Variants in KCND2 observed in about 807,000 individuals in gnomAD.
KCND2 encodes the protein potassium voltage-gated channel subfamily D member 2, also known as A-type voltage-gated potassium channel KCND2.
In KCND2, 16 loss-of-function variants were observed where a neutral mutation model predicts 54.4. That is an observed-to-expected ratio of 0.29 (90% CI 0.20 to 0.45). KCND2 has a LOEUF of 0.45. Among genes scored for constraint, KCND2 ranks in the 20% least tolerant of loss-of-function variants. KCND2 has a pLI of 1.00. For missense variants in KCND2, 486 were observed against 824.2 expected (o/e 0.59, Z 5.02); for synonymous variants, 317 against 310.7 (o/e 1.02, Z -0.21).
At chr7:120,493,533 A>T (rs1176748686) in intron 1 of KCND2, among the ~76,000 whole-genome samples, 2 of 152,128 alleles carry the variant, frequency 1.3e-5, no homozygotes, top group Non-Finnish European at 2.9e-5. Context: ...TAAGAAAAAA[A>T]CAACCAAATA....
At position 120,307,876 on chromosome 7, in the gene KCND2, A is replaced by G. The variant is rs1799670997; in HGVS notation, c.1115+32129A>G. Among the ~76,000 whole-genome samples, 3 of 152,152 alleles carry G rather than the reference A, an allele frequency of 2.0e-5. No individual in the cohort carries two copies. The South Asian group carries it at 6.2e-4, about 31-fold the overall frequency. On this transcript the variant is annotated intron_variant, in intron 1 of 5. Transcript: ENST00000331113. ...GCATTTCTCTACATATTTATTGAACAGATAATAGGAAATAACTGCTTTTTT... is the reference window on the plus strand; with the variant it reads ...GCATTTCTCTACATATTTATTGAACGGATAATAGGAAATAACTGCTTTTTT...
chr7:120,413,717 T>C (rs1801483716), intron 1 of KCND2, among the ~76,000 whole-genome samples: 1 of 152,034 alleles, frequency 6.6e-6, no homozygotes, highest in African/African-American at 2.4e-5. Flanking sequence ...TTGTAGTTGA[T>C]TGGAAAAGAG....
At chr7:120,390,106 A>C (rs965094249) in intron 1 of KCND2, among the ~76,000 whole-genome samples, 17 of 151,936 alleles carry the variant, frequency 1.1e-4, no homozygotes, top group African/African-American at 3.4e-4. Flanking sequence ...ATTTTTTACT[A>C]CCAGGTTCCA....
intron 1 of KCND2, among the ~76,000 whole-genome samples, chr7:120,329,637 T>C (rs112803995): frequency 0.013 from 1,943 of 152,324 alleles, 44 homozygotes; most frequent in African/African-American, 0.042. Context: ...TTTTCTGAAC[T>C]GACACTTGCT....
intron 1 of KCND2, among the ~76,000 whole-genome samples, chr7:120,701,370 T>C (rs1792400766): frequency 6.6e-6 from 1 of 151,864 alleles, no homozygotes; most frequent in African/African-American, 2.4e-5. Flanking sequence ...TTCAAAGCTC[T>C]TCCTGCCTGA....
intron 1 of KCND2, among the ~76,000 whole-genome samples, chr7:120,382,559 G>C (rs749180283): frequency 6.6e-6 from 1 of 151,776 alleles, no homozygotes; most frequent in Admixed American, 6.6e-5. Flanking sequence ...GATGTCTGCT[G>C]TATTACTCTT....
intron 1 of KCND2, among the ~76,000 whole-genome samples, chr7:120,499,826 A>G (rs899678142): frequency 9.9e-5 from 15 of 152,102 alleles, no homozygotes; most frequent in Non-Finnish European, 1.8e-4. Flanking sequence ...TATAGCACAA[A>G]AATGTTTTTT....
chr7:120,534,063 A>G (rs1478714696), intron 1 of KCND2, among the ~76,000 whole-genome samples: 2 of 150,204 alleles, frequency 1.3e-5, no homozygotes, highest in African/African-American at 2.5e-5. Context: ...TTTTTGTACA[A>G]ATCTACACAG....
At chr7:120,725,980 A>T (rs1696901049) in intron 1 of KCND2, among the ~76,000 whole-genome samples, 2 of 152,212 alleles carry the variant, frequency 1.3e-5, no homozygotes, top group African/African-American at 4.8e-5. Context: ...TTCCGCTTTC[A>T]TTTAGTGGGC....
chr7:120,635,063 A>G (rs1055696400), intron 1 of KCND2, among the ~76,000 whole-genome samples: 2 of 152,234 alleles, frequency 1.3e-5, no homozygotes, highest in African/African-American at 4.8e-5. Context: ...TTTCCAGTCC[A>G]TTGAACTAGG....
At chr7:120,386,940 C>A (rs754436434) in intron 1 of KCND2, among the ~76,000 whole-genome samples, 7 of 152,218 alleles carry the variant, frequency 4.6e-5, no homozygotes, top group South Asian at 4.1e-4. Context: ...TTATTCAGTG[C>A]AATTATTCCA....
intron 1 of KCND2, among the ~76,000 whole-genome samples, chr7:120,393,795 A>G (rs974305955): frequency 5.9e-5 from 9 of 152,018 alleles, no homozygotes; most frequent in Admixed American, 4.6e-4. Context: ...TTTAGATTCT[A>G]AAACATATTC....
chr7:120,380,099 T>TGC (rs1179985989), intron 1 of KCND2, among the ~76,000 whole-genome samples: 3 of 152,016 alleles, frequency 2.0e-5, no homozygotes, highest in Admixed American at 6.6e-5. Flanking sequence ...GGAAATAAAG[T>TGC]TATAGCAAGT....
At chr7:120,508,949 C>T (rs575726885) in intron 1 of KCND2, among the ~76,000 whole-genome samples, 5 of 148,242 alleles carry the variant, frequency 3.4e-5, no homozygotes, top group Non-Finnish European at 7.4e-5. Context: ...GACTGCTTTG[C>T]CCTCAGCTGC....
chr7:120,733,543 G>A (rs955911223), intron 2 of KCND2, among the ~76,000 whole-genome samples: 1 of 152,080 alleles, frequency 6.6e-6, no homozygotes, highest in Non-Finnish European at 1.5e-5. Context: ...AGCAAAATCA[G>A]AAACAGATTC....
intron 1 of KCND2, among the ~76,000 whole-genome samples, chr7:120,689,464 A>G (rs1792243647): frequency 6.6e-6 from 1 of 152,174 alleles, no homozygotes; most frequent in South Asian, 2.1e-4. Flanking sequence ...CCTTTTGTTT[A>G]TAAAGACTAT....
At chr7:120,644,607 CT>C (rs1053052251) in intron 1 of KCND2, among the ~76,000 whole-genome samples, 8 of 152,280 alleles carry the variant, frequency 5.3e-5, no homozygotes, top group African/African-American at 1.9e-4. Flanking sequence ...AATATTCCCC[CT>C]GGGCAGAAAT....
chr7:120,409,216 G>C lies in KCND2; in HGVS notation c.1115+133469G>C, dbSNP rs191072731. On this transcript the variant is annotated intron_variant, in intron 1 of 5. Coordinates refer to ENST00000331113, the MANE Select transcript of KCND2 (RefSeq NM_012281.3). ...GCTTTATAGCATCATCCCTTTCTTGGTAAAGAACTTTGGAAAAGATATTTA... is the reference window on the plus strand; with the variant it reads ...GCTTTATAGCATCATCCCTTTCTTGCTAAAGAACTTTGGAAAAGATATTTA... Among the ~76,000 whole-genome samples the C allele has an allele frequency of 1.8e-3, 272 of 151,888 alleles. 1 individual carries two copies. The highest frequency in any genetic ancestry group is 2.4e-3 in the Non-Finnish European group (162 of 67,872).
chr7:120,577,225 G>T (rs1792446273), intron 1 of KCND2, among the ~76,000 whole-genome samples: 1 of 151,730 alleles, frequency 6.6e-6, no homozygotes, highest in Non-Finnish European at 1.5e-5. Flanking sequence ...AAAAATCTGA[G>T]AAGAAAGAAA....
Sources: gnomAD v4.1 joint callset for allele counts (sites outside exome capture counted in the v4.1 genomes callset) on GRCh38, gnomAD v4.1.1 for gene constraint, MANE v1.5 for transcripts, NCBI Gene and HGNC (gene_info 2026-07-23, HGNC 2026-07-21) for gene names.